The following COL11A2 variants were observed in gnomAD, a reference collection of about 807,000 sequenced individuals.
COL11A2 encodes collagen type XI alpha 2 chain.
Under a neutral mutation model 273.4 loss-of-function variants are expected in COL11A2, and 116 were observed. The observed-to-expected ratio is 0.42, with a 90% CI of 0.36 to 0.49. The LOEUF (loss-of-function observed/expected upper bound fraction) is 0.49, where lower values mean the gene tolerates loss of function less well. Ranked by LOEUF, COL11A2 falls within the 20% of genes least tolerant of loss-of-function variation. The pLI is 0.00. For synonymous variants in COL11A2, 782 were observed against 864.2 expected (o/e 0.90, Z 1.67); for missense variants, 1,866 against 2,309.0 (o/e 0.81, Z 3.93).
Position 33,176,737 on chromosome 6 carries a change from C to G in COL11A2, c.2099G>C (p.Gly700Ala), listed in dbSNP as rs558103710. The G allele has an allele frequency of 1.5e-5, 24 of 1,613,148 alleles. No individual in the cohort carries two copies. The highest frequency in any genetic ancestry group is 1.6e-5 in the Non-Finnish European group (19 of 1,179,646). ...AGATCTCACCTGGTTTCCTTTGGTT[C>G]CAGGGGGACCTTCCTTCCCTGGGTG... ...PGHPGKEGPP[G>A]TKGNQGPSGP... Residue 700 changes from glycine to alanine, a missense_variant, in exon 26 of 66, where the codon GGA (glycine) becomes GCA (alanine). Physicochemically the swap from Gly to Ala is moderately conservative, Grantham distance 60 (BLOSUM62 0). Coordinates refer to ENST00000341947, the MANE Select transcript of COL11A2 (RefSeq NM_080680.3). The surrounding 1 kb of genome is among the most constrained non-coding windows in gnomAD (Gnocchi z 4.9).
chr6:33,169,293 C>T lies in COL11A2; in HGVS notation c.3798+90G>A. 7.9e-7 allele frequency: 1 copy of T among 1,257,986 alleles called. No individual in the cohort carries two copies. Among genetic ancestry groups the T allele is most frequent in the Non-Finnish European group, 1.1e-6 (1 of 881,290 alleles). The allele number at this position is 1,257,986 out of a possible 1,614,324, so 77.9% of individuals were successfully genotyped here. Reference sequence around the variant, plus strand: ...CCCCCAAACTCCCGGGCTCCCCACACTCCAAGATCCTCCCTCACACACACC... The same window carrying T: ...CCCCCAAACTCCCGGGCTCCCCACATTCCAAGATCCTCCCTCACACACACC... On this transcript the variant is annotated intron_variant, in intron 51 of 65. Transcript: ENST00000341947. The surrounding 1 kb of genome is among the most constrained non-coding windows in gnomAD (Gnocchi z 5.5).
Position 33,180,716 on chromosome 6 carries a change from G to A in COL11A2, c.1236C>T (p.Pro412=), listed in dbSNP as rs541288921. The A allele has an allele frequency of 1.9e-6, 3 of 1,611,156 alleles. No individual in the cohort carries two copies. The highest frequency in any genetic ancestry group is 8.5e-7 in the Non-Finnish European group (1 of 1,179,208). The change falls in exon 11 of 66, where the codon CCC becomes CCT. Residue 412 remains proline, a synonymous_variant. Coordinates refer to ENST00000341947, the MANE Select transcript of COL11A2 (RefSeq NM_080680.3). The part of the protein sequence containing the change: ...GPEGPAGLIG[P]PGIQGNPGPV... The stretch of plus-strand genomic sequence containing the variant: ...GGCCTGGGTTCCCCTGGATGCCAGG[G>A]GGACCAATCAATCCCTGAGGAACAA...
At chr6:33,187,835 T>C (rs1772615462) in intron 4 of COL11A2, among the ~76,000 whole-genome samples, 1 of 42,136 alleles carries the variant, frequency 2.4e-5, no homozygotes. Flanking sequence ...CTTGTGTGCA[T>C]GGGTAGATGG....
intron 11 of COL11A2, among the ~76,000 whole-genome samples, 160 bp from the exon 12 acceptor site, chr6:33,180,492 A>G (rs968222313): frequency 6.6e-6 from 1 of 152,172 alleles, no homozygotes; most frequent in African/African-American, 2.4e-5. Flanking sequence ...GTGAGAAACC[A>G]GATCAGCACC....
intron 31 of COL11A2, 69 bp from the exon 32 acceptor site, chr6:33,174,287 G>T (rs766390759): frequency 1.3e-6 from 2 of 1,540,368 alleles, no homozygotes; most frequent in Non-Finnish European, 1.8e-6. Context: ...GGGCAAAGGG[G>T]GTCAGGAGAG....
rs528868846 is a variant in COL11A2 at position 33,176,599 on chromosome 6, G to A, written c.2116-113C>T. 5 of 1,377,266 alleles carry A rather than the reference G, an allele frequency of 3.6e-6. No individual in the cohort carries two copies. The highest frequency in any genetic ancestry group is 2.3e-5 in the East Asian group (1 of 43,128). The allele number at this position is 1,377,266 out of a possible 1,614,324, so 85.3% of individuals were successfully genotyped here. ...ATTGCTGTCTGGGTAGGGTTACGGG[G>A]CACAGGAATTGAGAATGTGGCAGAG... is the stretch of plus-strand genomic sequence containing the variant. On this transcript the variant is annotated intron_variant, in intron 26 of 65. Transcript: ENST00000341947. The surrounding 1 kb of genome is among the most constrained non-coding windows in gnomAD (Gnocchi z 4.9).
In COL11A2 at chr6:33,166,635, C is replaced by G; in HGVS notation, c.4339-69G>C. On this transcript the variant is annotated intron_variant, in intron 59 of 65. Coordinates refer to ENST00000341947, the MANE Select transcript of COL11A2 (RefSeq NM_080680.3). This position sits in a 1 kb window ranked among gnomAD's most constrained non-coding sequence, Gnocchi z 4.8. ...CCCTCCTGAGCACCTGCTCGCTTAC[C>G]CACAGCTGAGTCCCAACTCCAACTC... is the stretch of plus-strand genomic sequence containing the variant. The G allele has an allele frequency of 1.2e-6, 2 of 1,611,822 alleles. No individual in the cohort carries two copies. Among genetic ancestry groups the G allele is most frequent in the Non-Finnish European group, 1.7e-6 (2 of 1,178,408 alleles).
Position 33,170,686 on chromosome 6 carries a change from G to A in COL11A2, c.3475-76C>T. 1 of 1,595,250 alleles carries A rather than the reference G, an allele frequency of 6.3e-7. No homozygotes were observed. On this transcript the variant is annotated intron_variant, in intron 46 of 65. Coordinates refer to ENST00000341947, the MANE Select transcript of COL11A2 (RefSeq NM_080680.3). This position sits in a 1 kb window ranked among gnomAD's most constrained non-coding sequence, Gnocchi z 4.3. ...CAGCCCTAGGCAGATAGGCCCCACA[G>A]TCCCCTCCCCTCAGACTCCGCAGGC...
intron 8 of COL11A2, among the ~76,000 whole-genome samples, chr6:33,183,937 T>A (rs1772035755): frequency 1.3e-5 from 2 of 151,754 alleles, no homozygotes; most frequent in South Asian, 2.1e-4. Flanking sequence ...TTCAGAAGTA[T>A]CCACAAGAGT....
intron 1 of COL11A2, among the ~76,000 whole-genome samples, chr6:33,191,203 G>A (rs959317814): frequency 2.1e-4 from 32 of 152,158 alleles, no homozygotes; most frequent in African/African-American, 7.7e-4. Flanking sequence ...TCCTGGCCCT[G>A]GGCTTCACTG....
At chr6:33,175,790 G>T in intron 29 of COL11A2, 109 bp from the exon 30 acceptor site, 1 of 1,175,922 alleles carries the variant, frequency 8.5e-7, no homozygotes, top group Non-Finnish European at 1.3e-6. Context: ...GGTCCCAGGA[G>T]CCACTGCAGG....
upstream of COL11A2, among the ~76,000 whole-genome samples, chr6:33,193,341 C>A (rs1382074224): frequency 1.3e-5 from 2 of 151,820 alleles, no homozygotes; most frequent in African/African-American, 2.4e-5. Flanking sequence ...GGAGAGGGCA[C>A]GAGCGAACAA....
rs746781111 is a variant in COL11A2 at position 33,171,533 on chromosome 6, C to T, written c.3192G>A (p.Val1064=). The T allele has an allele frequency of 1.3e-5, 21 of 1,614,074 alleles. No individual in the cohort carries two copies. The East Asian group carries it at 4.7e-4, about 36-fold the overall frequency. The change falls in exon 43 of 66, where the codon GTG becomes GTA. Residue 1064 remains valine (V), a synonymous_variant. Coordinates refer to ENST00000341947, the MANE Select transcript of COL11A2 (RefSeq NM_080680.3). ...GACCAGGAAGCCCCACAGGACCCTG[C>T]ACTCCATCTCGGCCAGTCGGGCCAA... ...GPIGPTGRDG[V]QGPVGLPGPA... is the part of the protein sequence containing the mutation.
chr6:33,185,206 G>A, intron 6 of COL11A2, 152 bp from the exon 7 acceptor site: 2 of 697,414 alleles, frequency 2.9e-6, no homozygotes, highest in Non-Finnish European at 2.6e-6. Flanking sequence ...AGCCCCTTTG[G>A]AGGGGGATAG....
Position 33,167,071 on chromosome 6 carries a change from T to G in COL11A2, c.4229A>C (p.Lys1410Thr), listed in dbSNP as rs755963276. 3 of 1,613,618 alleles carry G rather than the reference T, an allele frequency of 1.9e-6. No homozygotes were observed. In the East Asian group the frequency reaches 6.7e-5, roughly 36 times the overall value. The change falls in exon 58 of 66, where the codon AAG becomes ACG. Residue 1410 changes from lysine (K) to threonine (T), a missense_variant and splice_region_variant. Lys to Thr is a moderately conservative substitution (Grantham distance 78). Coordinates refer to ENST00000341947, the MANE Select transcript of COL11A2 (RefSeq NM_080680.3). This position sits in a 1 kb window ranked among gnomAD's most constrained non-coding sequence, Gnocchi z 6.1. ...GCCACGTGTCTGTCTGTCACTCACCTTCTCTCCCTTGGCTCCAGCATCGCC... is the reference window on the plus strand; with the variant it reads ...GCCACGTGTCTGTCTGTCACTCACCGTCTCTCCCTTGGCTCCAGCATCGCC... ...LRGDAGAKGE[K>T]GHPGLIGLIG... is the part of the protein sequence containing the mutation.
At position 33,175,480 on chromosome 6, in the gene COL11A2, G is replaced by A. The variant is rs1020944880; in HGVS notation, c.2376+94C>T. On this transcript the variant is annotated intron_variant, in intron 30 of 65. Coordinates refer to ENST00000341947, the MANE Select transcript of COL11A2 (RefSeq NM_080680.3). ...GACTAATGCATGGCCATCTTCAACT[G>A]ACTGGCTGACTTCAGCGGCGGGCAC... is the stretch of plus-strand genomic sequence containing the variant. 3.0e-6 allele frequency: 3 copies of A among 988,304 alleles called. No individual in the cohort carries two copies. The African/African-American group carries it at 4.8e-5, about 16-fold the overall frequency. 61.2% of individuals were successfully genotyped at this position (988,304 alleles called of 1,614,324 possible).
At position 33,164,378 on chromosome 6, in the gene COL11A2, G is replaced by A. The variant is rs140017436; in HGVS notation, c.4959C>T (p.Tyr1653=). ...CGTCACGGGCTGCTCCAGAGCAGGGGTAGGAGACGTCCTGGTGGGCTGAGA... is the reference window on the plus strand; with the variant it reads ...CGTCACGGGCTGCTCCAGAGCAGGGATAGGAGACGTCCTGGTGGGCTGAGA... The part of the protein sequence containing the change: ...LSVSAHQDVS[Y]PCSGAARDGP... Residue 1653 remains tyrosine, a synonymous_variant, in exon 65 of 66, where the codon TAC becomes TAT. Transcript: ENST00000341947. This position sits in a 1 kb window ranked among gnomAD's most constrained non-coding sequence, Gnocchi z 4.7. 351 of 1,611,570 alleles carry A rather than the reference G, an allele frequency of 2.2e-4. 1 individual carries two copies. The highest frequency in any genetic ancestry group is 2.9e-4 in the Non-Finnish European group (344 of 1,179,362).
chr6:33,180,855 G>A, intron 10 of COL11A2, 109 bp downstream of exon 10: 1 of 1,549,170 alleles, frequency 6.5e-7, no homozygotes, highest in Non-Finnish European at 8.9e-7. Flanking sequence ...TTGGAGGGAT[G>A]CTCCCGAGTT....
chr6:33,177,913 T>C lies in COL11A2; in HGVS notation c.1873-207A>G, dbSNP rs1463247936. ...GGTTTTGTTTTTCTTGAAGATTTAT[T>C]TCCTATGCCCAGAGCCCTCAGGGCA... is the stretch of plus-strand genomic sequence containing the variant. On this transcript the variant is annotated intron_variant, in intron 21 of 65. Coordinates refer to ENST00000341947, the MANE Select transcript of COL11A2 (RefSeq NM_080680.3). The surrounding 1 kb of genome is among the most constrained non-coding windows in gnomAD (Gnocchi z 5.9). 1.0e-5 allele frequency: 8 copies of C among 764,700 alleles called. No homozygotes were observed. Among genetic ancestry groups the C allele is most frequent in the African/African-American group, 1.7e-5 (1 of 57,364 alleles). The allele number at this position is 764,700 out of a possible 1,614,324, so 47.4% of individuals were successfully genotyped here.
Sources: gnomAD v4.1 joint callset for allele counts (sites outside exome capture counted in the v4.1 genomes callset) on GRCh38, gnomAD v4.1.1 for gene constraint, Gnocchi (gnomAD v3.1) non-coding constraint, MANE v1.5 for transcripts, NCBI Gene and HGNC (gene_info 2026-07-23, HGNC 2026-07-21) for gene names.